SIRPD: variants seen among roughly 807,000 people sequenced by gnomAD.
SIRPD encodes the protein signal-regulatory protein delta.
In SIRPD, 21 loss-of-function variants were observed where a neutral mutation model predicts 18.0. That is an observed-to-expected ratio of 1.17 (90% CI 0.83 to 1.68). The LOEUF (loss-of-function observed/expected upper bound fraction) is 1.68. SIRPD is among the 40% of genes most tolerant of loss of function. The pLI is 0.00. For synonymous variants in SIRPD, 106 were observed against 92.9 expected (o/e 1.14, Z -0.81); for missense variants, 295 against 238.4 (o/e 1.24, Z -1.56).
intron 3 of SIRPD, 21 bp from the exon 4 acceptor site, chr20:1,534,462 A>G (rs757076149): frequency 3.1e-6 from 5 of 1,600,770 alleles, no homozygotes; most frequent in Non-Finnish European, 4.3e-6. Flanking sequence ...ATAAAAATAA[A>G]ATAAAATAAA....
In SIRPD at chr20:1,551,824, G is replaced by T. The variant is rs756047878; in HGVS notation, c.288C>A (p.Gly96=). The T allele has an allele frequency of 6.2e-7, 1 of 1,614,030 alleles. No homozygotes were observed. The highest frequency in any genetic ancestry group is 1.3e-5 in the African/African-American group (1 of 74,924). The stretch of plus-strand genomic sequence containing the variant: ...GGATGCGGGTGGAAAAGTCTGTGTT[G>T]CCAGGCTTGGTGGTGTCTCCAATCT... ...VKEIGDTTKP[G]NTDFSTRIRE... The change falls in exon 2 of 4, where the codon GGC becomes GGA. Residue 96 remains glycine, a synonymous_variant. Coordinates refer to ENST00000381623, the MANE Select transcript of SIRPD (RefSeq NM_178460.3).
At chr20:1,547,422 T>TTTTA (rs1398197549) in intron 2 of SIRPD, among the ~76,000 whole-genome samples, 1 of 152,148 alleles carries the variant, frequency 6.6e-6, no homozygotes, top group Non-Finnish European at 1.5e-5. Context: ...TTTATTTTTA[T>TTTTA]TTTATTTATT....
chr20:1,547,155 C>T (rs893339331), intron 2 of SIRPD, among the ~76,000 whole-genome samples: 1 of 152,106 alleles, frequency 6.6e-6, no homozygotes. Flanking sequence ...TATTTTTAGG[C>T]TTTCAAACCA....
intron 3 of SIRPD, among the ~76,000 whole-genome samples, chr20:1,536,420 A>G (rs1185492731): frequency 7.2e-6 from 1 of 138,624 alleles, no homozygotes; most frequent in Non-Finnish European, 1.6e-5. Flanking sequence ...TTTTTTTTTT[A>G]ATGCCTGTGC....
intron 1 of SIRPD, among the ~76,000 whole-genome samples, chr20:1,554,498 T>C (rs1450470472): frequency 2.0e-5 from 3 of 152,198 alleles, no homozygotes; most frequent in Non-Finnish European, 2.9e-5. Context: ...AGAATGACAC[T>C]TTCCTTCTGC....
intron 2 of SIRPD, 113 bp downstream of exon 2, chr20:1,551,578 A>C: frequency 2.5e-6 from 2 of 815,254 alleles, no homozygotes; most frequent in African/African-American, 1.7e-5. Flanking sequence ...GATCAAATGT[A>C]TGTTGTACCT....
chr20:1,550,717 C>A (rs2091015136), intron 2 of SIRPD, among the ~76,000 whole-genome samples: 2 of 152,248 alleles, frequency 1.3e-5, no homozygotes, highest in South Asian at 4.1e-4. Context: ...GGACTGGGCC[C>A]AGACCAACCC....
intron 2 of SIRPD, among the ~76,000 whole-genome samples, chr20:1,542,680 A>G (rs1273477787): frequency 6.6e-6 from 1 of 152,188 alleles, no homozygotes; most frequent in African/African-American, 2.4e-5. Flanking sequence ...ACTATGTTGA[A>G]TAGAAGTGGT....
At chr20:1,551,155 A>C (rs796569944) in intron 2 of SIRPD, among the ~76,000 whole-genome samples, 5 of 152,192 alleles carry the variant, frequency 3.3e-5, no homozygotes, top group Non-Finnish European at 7.3e-5. Flanking sequence ...TGGAACAAGG[A>C]GCAGTATGGT....
In SIRPD at chr20:1,537,231, G is replaced by C. The variant is rs3179935; in HGVS notation, c.501C>G (p.Leu167=). 3 of 1,614,042 alleles carry C rather than the reference G, an allele frequency of 1.9e-6. No homozygotes were observed. The highest frequency in any genetic ancestry group is 2.2e-5 in the South Asian group (2 of 91,084). Residue 167 remains leucine, a synonymous_variant, in exon 3 of 4, where the codon CTC becomes CTG. Transcript: ENST00000381623. ...TGCTGTTTCTCTCAGGCAGGGCCGA[G>C]AGGCAGGTATGGGCATCATGGTGGG... ...SRAHHDAHTC[L]SALPERNSTN...
intron 2 of SIRPD, among the ~76,000 whole-genome samples, chr20:1,550,635 T>C (rs2091014651): frequency 1.3e-5 from 2 of 152,164 alleles, no homozygotes; most frequent in Admixed American, 6.5e-5. Flanking sequence ...TCAACTCATA[T>C]TTTTGGTTGA....
intron 2 of SIRPD, among the ~76,000 whole-genome samples, chr20:1,549,761 G>A (rs1472929423): frequency 1.3e-5 from 2 of 151,998 alleles, no homozygotes; most frequent in African/African-American, 4.8e-5. Context: ...CAGTTTCCAT[G>A]GAGTGGGCCC....
In SIRPD at chr20:1,551,713, C is replaced by G; in HGVS notation, c.399G>C (p.Arg133=). ...GRAIKEYQSG[R]GTQVFVTEQN... is the part of the protein sequence containing the mutation. Reference sequence around the variant, plus strand: ...CACCAGTAACAAACACCTGAGTGCCCCGACCTGATTGGTACTCCTTGATAG... The same window carrying G: ...CACCAGTAACAAACACCTGAGTGCCGCGACCTGATTGGTACTCCTTGATAG... The change falls in exon 2 of 4, where the codon CGG becomes CGC. Residue 133 remains arginine, a synonymous_variant. Transcript: ENST00000381623. 1 of 1,613,490 alleles carries G rather than the reference C, an allele frequency of 6.2e-7. No individual in the cohort carries two copies. Among genetic ancestry groups the G allele is most frequent in the Non-Finnish European group, 8.5e-7 (1 of 1,179,644 alleles).
intron 2 of SIRPD, among the ~76,000 whole-genome samples, chr20:1,543,396 T>C (rs1042801153): frequency 1.3e-5 from 2 of 152,232 alleles, no homozygotes; most frequent in Admixed American, 1.3e-4. Flanking sequence ...CCATTTCTTC[T>C]AGATTTTCTA....
intron 2 of SIRPD, among the ~76,000 whole-genome samples, chr20:1,543,046 G>A (rs1174463411): frequency 6.6e-6 from 1 of 152,110 alleles, no homozygotes; most frequent in Non-Finnish European, 1.5e-5. Context: ...ATTTTATTGA[G>A]GATTTTTGCA....
At chr20:1,548,908 G>C (rs2091006183) in intron 2 of SIRPD, among the ~76,000 whole-genome samples, 1 of 151,870 alleles carries the variant, frequency 6.6e-6, no homozygotes, top group African/African-American at 2.4e-5. Flanking sequence ...TTCTTTCTTT[G>C]AATATTTTTT....
At chr20:1,537,069 G>T in intron 3 of SIRPD, 86 bp downstream of exon 3, 1 of 1,489,976 alleles carries the variant, frequency 6.7e-7, no homozygotes, top group Non-Finnish European at 9.2e-7. Flanking sequence ...AGATTCATCC[G>T]CCCCACTGCA....
intron 2 of SIRPD, among the ~76,000 whole-genome samples, chr20:1,542,882 G>C (rs866713688): frequency 6.6e-5 from 10 of 152,194 alleles, no homozygotes; most frequent in Admixed American, 3.3e-4. Context: ...TGCATCTATT[G>C]AGATAATTGT....
intron 2 of SIRPD, among the ~76,000 whole-genome samples, chr20:1,545,650 G>T (rs2090990312): frequency 1.3e-5 from 2 of 152,160 alleles, no homozygotes; most frequent in Admixed American, 1.3e-4. Context: ...ATCCAGTTTT[G>T]TTGCCTTGCT....
Sources: gnomAD v4.1 joint callset for allele counts (sites outside exome capture counted in the v4.1 genomes callset) on GRCh38, gnomAD v4.1.1 for gene constraint, MANE v1.5 for transcripts, NCBI Gene and HGNC (gene_info 2026-07-23, HGNC 2026-07-21) for gene names.